NCALD: variants seen among roughly 807,000 people sequenced by gnomAD.
NCALD encodes neurocalcin-delta.
Under a neutral mutation model 18.6 loss-of-function variants are expected in NCALD, and 10 were observed. The ratio of observed to expected loss-of-function variants is 0.54; its 90% CI spans 0.33 to 0.91. The LOEUF is 0.91. Among genes scored for constraint, NCALD ranks in the 40% least tolerant of loss-of-function variants. NCALD has a pLI of 0.03. For missense variants in NCALD, 184 were observed against 247.6 expected (o/e 0.74, Z 1.72); for synonymous variants, 88 against 87.4 (o/e 1.01, Z -0.04).
chr8:102,067,335 C>T (rs1055686074), intron 1 of NCALD, among the ~76,000 whole-genome samples: 2 of 152,164 alleles, frequency 1.3e-5, no homozygotes, highest in African/African-American at 4.8e-5. Flanking sequence ...AGATATCAAA[C>T]TCAGATCAGT....
At chr8:101,825,806 A>G (rs1414282399) in intron 4 of NCALD, among the ~76,000 whole-genome samples, 1 of 152,182 alleles carries the variant, frequency 6.6e-6, no homozygotes, top group Non-Finnish European at 1.5e-5. Context: ...CAAGCACTCA[A>G]CTCTGCCACT....
chr8:101,906,987 G>A (rs767179265), intron 3 of NCALD, among the ~76,000 whole-genome samples: 7 of 152,128 alleles, frequency 4.6e-5, no homozygotes, highest in Non-Finnish European at 8.8e-5. Context: ...AGACAGATTC[G>A]CTATTACTGA....
At chr8:101,770,411 A>AT (rs1339125869) in intron 1 of NCALD, among the ~76,000 whole-genome samples, 2 of 152,042 alleles carry the variant, frequency 1.3e-5, no homozygotes, top group African/African-American at 4.8e-5. Flanking sequence ...TTTTTTCTGG[A>AT]TTTTTCCCCA....
chr8:101,703,352 C>T (rs1815361964), intron 2 of NCALD, among the ~76,000 whole-genome samples: 1 of 152,156 alleles, frequency 6.6e-6, no homozygotes, highest in Non-Finnish European at 1.5e-5. Flanking sequence ...GGTGCTAAAT[C>T]CCTTGGCATC....
intron 2 of NCALD, among the ~76,000 whole-genome samples, chr8:102,012,205 T>A (rs997479723): frequency 6.6e-6 from 1 of 152,186 alleles, no homozygotes; most frequent in African/African-American, 2.4e-5. Context: ...CTGCAGGTCA[T>A]CAACCTCATA....
chr8:101,805,651 C>T (rs920740609), intron 4 of NCALD, among the ~76,000 whole-genome samples: 1 of 152,124 alleles, frequency 6.6e-6, no homozygotes, highest in Non-Finnish European at 1.5e-5. Context: ...AAGCTCTCCC[C>T]CAAAGGAGCT....
At chr8:101,977,644 T>G (rs1410936121) in intron 2 of NCALD, among the ~76,000 whole-genome samples, 1 of 152,182 alleles carries the variant, frequency 6.6e-6, no homozygotes, top group Non-Finnish European at 1.5e-5. Flanking sequence ...CAAGGACAAC[T>G]CCACCATCCG....
At chr8:102,049,890 C>T (rs1823372450) in intron 1 of NCALD, among the ~76,000 whole-genome samples, 2 of 151,912 alleles carry the variant, frequency 1.3e-5, no homozygotes, top group Non-Finnish European at 2.9e-5. Context: ...CGGCCGGGCG[C>T]GGTGGCTCAC....
chr8:101,890,048 T>C (rs1394432003), intron 3 of NCALD, among the ~76,000 whole-genome samples: 2 of 152,100 alleles, frequency 1.3e-5, no homozygotes, highest in Non-Finnish European at 2.9e-5. Flanking sequence ...CTTGCATTCA[T>C]CCAAAGGTAC....
rs72676125 is a variant in NCALD at position 101,762,313 on chromosome 8, T to A, written c.-20+28549A>T. ...ATTTTGCTCTGGTGAGATAATTTAA[T>A]ACTATTATATGTACTATAAAAAGAT... On this transcript the variant is annotated intron_variant, in intron 1 of 3. Coordinates refer to ENST00000220931, the MANE Select transcript of NCALD (RefSeq NM_032041.3). Among the ~76,000 whole-genome samples the A allele has an allele frequency of 2.8e-3, 434 of 152,298 alleles. 5 individuals are homozygous for A. Among genetic ancestry groups the A allele is most frequent in the Admixed American group, 4.8e-3 (73 of 15,292 alleles).
At chr8:101,824,437 A>G (rs1355436229) in intron 4 of NCALD, among the ~76,000 whole-genome samples, 2 of 152,070 alleles carry the variant, frequency 1.3e-5, no homozygotes, top group African/African-American at 4.8e-5. Context: ...ACAACTGTAG[A>G]TCTATCCTCA....
At chr8:101,731,995 T>C (rs1388921989) in intron 1 of NCALD, among the ~76,000 whole-genome samples, 4 of 152,170 alleles carry the variant, frequency 2.6e-5, no homozygotes, top group South Asian at 4.1e-4. Flanking sequence ...CACCTGGCCG[T>C]CAGACCATTG....
intron 3 of NCALD, among the ~76,000 whole-genome samples, chr8:101,901,508 T>G (rs1817420989): frequency 6.6e-6 from 1 of 152,072 alleles, no homozygotes; most frequent in Non-Finnish European, 1.5e-5. Flanking sequence ...CTATAGTGTT[T>G]TTAGGTATAT....
At chr8:102,041,820 G>A (rs988077451) in intron 1 of NCALD, among the ~76,000 whole-genome samples, 10 of 149,816 alleles carry the variant, frequency 6.7e-5, no homozygotes, top group Non-Finnish European at 1.2e-4. Flanking sequence ...ACAATCAAGA[G>A]GAAATGCCTC....
chr8:101,731,266 G>A (rs1816821157), intron 1 of NCALD, among the ~76,000 whole-genome samples: 1 of 152,156 alleles, frequency 6.6e-6, no homozygotes, highest in Non-Finnish European at 1.5e-5. Flanking sequence ...TGTGGGGCCT[G>A]GACATGACTA....
intron 4 of NCALD, among the ~76,000 whole-genome samples, chr8:101,815,537 T>C (rs1377498343): frequency 1.3e-5 from 2 of 152,146 alleles, no homozygotes; most frequent in Non-Finnish European, 2.9e-5. Context: ...AGACGGCAAG[T>C]AATCATATGA....
At chr8:102,023,559 T>C (rs1001622693) in intron 1 of NCALD, among the ~76,000 whole-genome samples, 1 of 152,230 alleles carries the variant, frequency 6.6e-6, no homozygotes, top group Admixed American at 6.5e-5. Context: ...ATTTGGTATA[T>C]TGACCTTGAC....
At chr8:101,738,466 C>T (rs545044364) in intron 1 of NCALD, among the ~76,000 whole-genome samples, 128 of 149,426 alleles carry the variant, frequency 8.6e-4, no homozygotes, top group Non-Finnish European at 1.5e-3. Context: ...ATCGCTTGAA[C>T]CTGGGAGGCA....
intron 1 of NCALD, among the ~76,000 whole-genome samples, chr8:102,067,774 A>G (rs1192373540): frequency 6.6e-6 from 1 of 152,174 alleles, no homozygotes; most frequent in Admixed American, 6.5e-5. Context: ...GCACCCCACA[A>G]AAGTGGGAGC....
Sources: gnomAD v4.1 joint callset for allele counts (sites outside exome capture counted in the v4.1 genomes callset) on GRCh38, gnomAD v4.1.1 for gene constraint, MANE v1.5 for transcripts, NCBI Gene and HGNC (gene_info 2026-07-23, HGNC 2026-07-21) for gene names.